Variants in CCDC42 observed in about 807,000 individuals in gnomAD.
CCDC42 encodes the protein coiled-coil domain containing 42, also known as coiled-coil domain-containing protein 42.
Under a neutral mutation model 40.8 loss-of-function variants are expected in CCDC42, and 38 were observed. The ratio of observed to expected loss-of-function variants is 0.93; its 90% confidence interval spans 0.72 to 1.22. CCDC42 has a LOEUF of 1.22. Ranked by LOEUF, CCDC42 falls within the 50% of genes most tolerant of loss-of-function variation. The pLI is 0.00. For missense variants in CCDC42, 379 were observed against 416.5 expected (o/e 0.91, Z 0.78); for synonymous variants, 135 against 157.5 (o/e 0.86, Z 1.07).
rs1266397536 is a variant in CCDC42, at chr17:8,729,950, T to C, written c.*180A>G. 1 of 596,980 alleles carries C rather than the reference T, an allele frequency of 1.7e-6. No individual in the cohort carries two copies. Among genetic ancestry groups the C allele is most frequent in the Non-Finnish European group, 3.0e-6 (1 of 334,946 alleles). 37.0% of individuals were successfully genotyped at this position (596,980 alleles called of 1,614,324 possible). On this transcript the variant is annotated 3_prime_UTR_variant, in exon 7 of 7. Coordinates refer to ENST00000293845, the MANE Select transcript of CCDC42 (RefSeq NM_144681.3). ...GGCTAGAGAGAACTTGAGAACAAACTTCATATAACATTCACTGTTTTCAGG... is the reference window on the plus strand; with the variant it reads ...GGCTAGAGAGAACTTGAGAACAAACCTCATATAACATTCACTGTTTTCAGG...
At chr17:8,744,497 G>C (rs1168178570) in intron 1 of CCDC42, 30 bp downstream of exon 1, 5 of 1,583,302 alleles carry the variant, frequency 3.2e-6, no homozygotes, top group Non-Finnish European at 4.3e-6. Flanking sequence ...AGGCACAGAG[G>C]GGTGGGCAAG....
chr17:8,734,972 ATGT>A, intron 6 of CCDC42, 121 bp downstream of exon 6: 3 of 985,116 alleles, frequency 3.0e-6, no homozygotes, highest in African/African-American at 1.6e-5. Flanking sequence ...GGTGATCCTG[ATGT>A]TGTTAAATTT....
In CCDC42 at chr17:8,744,108, T is replaced by C. The variant is rs199596936; in HGVS notation, c.160A>G (p.Met54Val). The change falls in exon 2 of 7, where the codon ATG becomes GTG. Residue 54 changes from methionine (M) to valine (V), a missense_variant. Transcript: ENST00000293845. The part of the protein sequence containing the change: ...LLEKKKETEI[M>V]HQTMVQKKKM... ...TTCTTCTGCACCATAGTTTGATGCATGATTTCTGTCTCCTTTTTCTTCTCC... is the reference window on the plus strand; with the variant it reads ...TTCTTCTGCACCATAGTTTGATGCACGATTTCTGTCTCCTTTTTCTTCTCC... 6 of 1,613,978 alleles carry C rather than the reference T, an allele frequency of 3.7e-6. No homozygotes were observed. In the African/African-American group the frequency reaches 8.0e-5, roughly 22 times the overall value.
At chr17:8,733,314 T>C (rs2086591531) in intron 6 of CCDC42, among the ~76,000 whole-genome samples, 5 of 152,172 alleles carry the variant, frequency 3.3e-5, no homozygotes. Context: ...AGTAGGTTCA[T>C]CTCCTACGGG....
intron 4 of CCDC42, among the ~76,000 whole-genome samples, chr17:8,741,013 C>T (rs1163926876): frequency 1.3e-5 from 2 of 152,116 alleles, no homozygotes; most frequent in Non-Finnish European, 2.9e-5. Flanking sequence ...TTTCCAACTC[C>T]TCTCCCTTCC....
intron 4 of CCDC42, among the ~76,000 whole-genome samples, chr17:8,740,728 C>T (rs1004512448): frequency 2.0e-5 from 3 of 152,064 alleles, no homozygotes; most frequent in Admixed American, 6.5e-5. Flanking sequence ...CCCTGGGCTC[C>T]GGCTACAGGG....
In CCDC42 at chr17:8,730,187, G is replaced by A. The variant is rs542273796; in HGVS notation, c.894C>T (p.Asp298=). The change falls in exon 7 of 7, where the codon GAC becomes GAT. Residue 298 remains aspartate (D), a synonymous_variant. Transcript: ENST00000293845. ...TCACCTCTGCCCAGATGTCCGACCG[G>A]TCTTGGATAAATTGCTGGATCTAGA... ...QLDMIQQFIQ[D]RSDIWAEVKK... is the part of the protein sequence containing the mutation. The A allele has an allele frequency of 2.5e-6, 4 of 1,613,934 alleles. No homozygotes were observed. In the Admixed American group the frequency reaches 6.7e-5, roughly 27 times the overall value.
At chr17:8,733,281 C>T (rs112240767) in intron 6 of CCDC42, among the ~76,000 whole-genome samples, 1 of 152,124 alleles carries the variant, frequency 6.6e-6, no homozygotes, top group African/African-American at 2.4e-5. Flanking sequence ...AATCTGTAGG[C>T]GACTCGGTCG....
chr17:8,730,018 A>G lies in CCDC42; in HGVS notation c.*112T>C. On this transcript the variant is annotated 3_prime_UTR_variant, in exon 7 of 7. Coordinates refer to ENST00000293845, the MANE Select transcript of CCDC42 (RefSeq NM_144681.3). ...GGGGGAAAATAAGCAGGTGTCCCTC[A>G]GCAGGAAGGCACAGCAGGCATCGGT... 1 of 869,624 alleles carries G rather than the reference A, an allele frequency of 1.1e-6. No individual in the cohort carries two copies. The highest frequency in any genetic ancestry group is 1.9e-6 in the Non-Finnish European group (1 of 526,230). The allele number at this position is 869,624 out of a possible 1,614,324, so 53.9% of individuals were successfully genotyped here.
intron 6 of CCDC42, among the ~76,000 whole-genome samples, chr17:8,733,153 C>T (rs2086590892): frequency 6.6e-6 from 1 of 152,156 alleles, no homozygotes; most frequent in African/African-American, 2.4e-5. Flanking sequence ...AGGTTACCAG[C>T]AAGCTCAGAA....
chr17:8,742,771 G>C (rs1008866252), intron 3 of CCDC42, among the ~76,000 whole-genome samples: 12 of 152,334 alleles, frequency 7.9e-5, no homozygotes, highest in African/African-American at 2.6e-4. Context: ...AACCTCAGAC[G>C]TGCTGAAAGC....
intron 4 of CCDC42, among the ~76,000 whole-genome samples, chr17:8,739,145 C>T (rs72846990): frequency 0.33 from 49,880 of 151,956 alleles, 9,380 homozygotes; most frequent in Non-Finnish European, 0.44. Context: ...GAATGCTGAA[C>T]AGGCTGGCCA....
At chr17:8,742,500 A>C (rs560346339) in intron 3 of CCDC42, among the ~76,000 whole-genome samples, 3 of 152,342 alleles carry the variant, frequency 2.0e-5, no homozygotes, top group Non-Finnish European at 2.9e-5. Flanking sequence ...CCTTCTGCAG[A>C]GCCCTCCCCT....
At chr17:8,733,016 TAC>T (rs1042093393) in intron 6 of CCDC42, among the ~76,000 whole-genome samples, 51 of 152,196 alleles carry the variant, frequency 3.4e-4, no homozygotes, top group African/African-American at 1.2e-3. Flanking sequence ...ACATTATTCA[TAC>T]AGTGTCAATG....
chr17:8,730,164 A>G lies in CCDC42; in HGVS notation c.917T>C (p.Val306Ala), dbSNP rs1244960513. Residue 306 changes from valine to alanine, a missense_variant, in exon 7 of 7, where the codon GTG (valine) becomes GCG (alanine). Transcript: ENST00000293845. ...IQDRSDIWAEVKKKEQQRVRI is the reference protein window; with the variant it reads ...IQDRSDIWAEAKKKEQQRVRI ...GACTCGCTGTTGTTCCTTCTTTTTC[A>G]CCTCTGCCCAGATGTCCGACCGGTC... 6.2e-7 allele frequency: 1 copy of G among 1,613,446 alleles called. No individual in the cohort carries two copies. Among genetic ancestry groups the G allele is most frequent in the Admixed American group, 1.7e-5 (1 of 59,962 alleles).
In CCDC42 at chr17:8,744,201, C is replaced by G. The variant is rs749543552; in HGVS notation, c.84-17G>C. The G allele has an allele frequency of 6.3e-7, 1 of 1,586,450 alleles. No homozygotes were observed. The highest frequency in any genetic ancestry group is 1.7e-5 in the Admixed American group (1 of 59,540). ...GGGAGTTTCCTGTCCAAGATGTGAA[C>G]GCGAGAGGGCTGTGTGTTCTGACAT... is the stretch of plus-strand genomic sequence containing the variant. On this transcript the variant is annotated splice_polypyrimidine_tract_variant and intron_variant, in intron 1 of 6. Coordinates refer to ENST00000293845, the MANE Select transcript of CCDC42 (RefSeq NM_144681.3).
intron 3 of CCDC42, among the ~76,000 whole-genome samples, chr17:8,743,266 G>C (rs1597347101): frequency 6.6e-6 from 1 of 152,156 alleles, no homozygotes; most frequent in Non-Finnish European, 1.5e-5. Flanking sequence ...TGGGTGGAGG[G>C]ACTAAAACTC....
intron 3 of CCDC42, among the ~76,000 whole-genome samples, chr17:8,741,878 T>A (rs2086648188): frequency 6.6e-6 from 1 of 152,076 alleles, no homozygotes. Flanking sequence ...TGAAGAGATT[T>A]CTGTGGACTG....
At position 8,735,154 on chromosome 17, in the gene CCDC42, T is replaced by C; in HGVS notation, c.815A>G (p.Lys272Arg). Reference protein sequence around the residue: ...ATLNLFQIVSKHLKEVTEVAL... With the variant: ...ATLNLFQIVSRHLKEVTEVAL... ...CACCTCAGTCACCTCCTTCAGGTGCTTGCTCACGATCTGGAAGAGGTTCAG... is the reference window on the plus strand; with the variant it reads ...CACCTCAGTCACCTCCTTCAGGTGCCTGCTCACGATCTGGAAGAGGTTCAG... Residue 272 changes from lysine to arginine, a missense_variant, in exon 6 of 7, where the codon AAG becomes AGG. Physicochemically the swap from Lys to Arg is conservative, Grantham distance 26. Coordinates refer to ENST00000293845, the MANE Select transcript of CCDC42 (RefSeq NM_144681.3). The surrounding 1 kb of genome is among the most constrained non-coding windows in gnomAD (Gnocchi z 4.7). 1 of 1,614,206 alleles carries C rather than the reference T, an allele frequency of 6.2e-7. No individual in the cohort carries two copies. The highest frequency in any genetic ancestry group is 1.1e-5 in the South Asian group (1 of 91,088).
Sources: gnomAD v4.1 joint callset for allele counts (sites outside exome capture counted in the v4.1 genomes callset) on GRCh38, gnomAD v4.1.1 for gene constraint, Gnocchi (gnomAD v3.1) non-coding constraint, MANE v1.5 for transcripts, NCBI Gene and HGNC (gene_info 2026-07-23, HGNC 2026-07-21) for gene names.